The following IGFBPL1 variants were observed in gnomAD, a reference collection of about 807,000 sequenced individuals.
IGFBPL1 encodes insulin-like growth factor-binding protein-like 1.
A neutral mutation model predicts 23.9 loss-of-function variants in IGFBPL1; 20 were observed. The ratio of observed to expected loss-of-function variants is 0.84; its 90% CI spans 0.59 to 1.22. The LOEUF (loss-of-function observed/expected upper bound fraction) is 1.22. Among genes scored for constraint, IGFBPL1 ranks in the 50% most tolerant of loss-of-function variants. IGFBPL1 has a pLI of 0.00. For synonymous variants in IGFBPL1, 184 were observed against 171.8 expected, an observed-to-expected ratio of 1.07 and a Z score of -0.56; for missense variants, 436 against 379.3, an observed-to-expected ratio of 1.15 and a Z score of -1.24.
chr9:38,411,990 A>C (rs1821519733), intron 3 of IGFBPL1, among the ~76,000 whole-genome samples: 1 of 152,200 alleles, frequency 6.6e-6, no homozygotes. Context: ...AAATAGAGGA[A>C]TGTGCTTGAT....
chr9:38,420,528 C>T lies in IGFBPL1; in HGVS notation c.460+3437G>A, dbSNP rs116440354. Among the ~76,000 whole-genome samples, 1,382 of 152,296 alleles carry T rather than the reference C, an allele frequency of 9.1e-3. 16 individuals carry two copies. The highest frequency in any genetic ancestry group is 0.031 in the African/African-American group (1,307 of 41,552). On this transcript the variant is annotated intron_variant, in intron 1 of 4. Coordinates refer to ENST00000377694, the MANE Select transcript of IGFBPL1 (RefSeq NM_001007563.3). ...AGGTTGCTAGCGGCTAGCTGTGCAG[C>T]GCCCATCTGAAAATAGCGAGGCAGG...
At chr9:38,419,015 T>C (rs866947297) in intron 1 of IGFBPL1, among the ~76,000 whole-genome samples, 3 of 152,238 alleles carry the variant, frequency 2.0e-5, no homozygotes, top group Middle Eastern at 3.4e-3. Flanking sequence ...AAAATGGATG[T>C]GACTGTGTTA....
At chr9:38,416,195 G>A (rs1459535396) in intron 1 of IGFBPL1, among the ~76,000 whole-genome samples, 1 of 152,212 alleles carries the variant, frequency 6.6e-6, no homozygotes, top group Non-Finnish European at 1.5e-5. Context: ...CAGTCAGAAA[G>A]ACCTGGATAC....
chr9:38,414,306 A>T, intron 1 of IGFBPL1, 103 bp from the exon 2 acceptor site: 1 of 662,192 alleles, frequency 1.5e-6, no homozygotes, highest in Non-Finnish European at 2.7e-6. Context: ...ATGTCCTGAC[A>T]TGAGGGGAGC....
intron 1 of IGFBPL1, among the ~76,000 whole-genome samples, chr9:38,419,217 C>T (rs3849928): frequency 0.27 from 40,330 of 151,932 alleles, 6,589 homozygotes; most frequent in Non-Finnish European, 0.36. Context: ...TTCCCCAGGA[C>T]CCCATCTGCT....
Position 38,408,996 on chromosome 9 carries a change from A to G in IGFBPL1, c.*231T>C, listed in dbSNP as rs1233535531. On this transcript the variant is annotated 3_prime_UTR_variant, in exon 5 of 5. Coordinates refer to ENST00000377694, the MANE Select transcript of IGFBPL1 (RefSeq NM_001007563.3). Reference sequence around the variant, plus strand: ...GAGAATAATTACAAAAAGACTTCTCATGGAACAATTCATTTCAAAAGTATA... The same window carrying G: ...GAGAATAATTACAAAAAGACTTCTCGTGGAACAATTCATTTCAAAAGTATA... The G allele has an allele frequency of 6.6e-6, 1 of 152,258 alleles. No homozygotes were observed. Among genetic ancestry groups the G allele is most frequent in the Non-Finnish European group, 1.5e-5 (1 of 68,048 alleles). 9.4% of individuals were successfully genotyped at this position (152,258 alleles called of 1,614,324 possible).
chr9:38,416,205 C>T lies in IGFBPL1; in HGVS notation c.461-2002G>A, dbSNP rs907898381. Among the ~76,000 whole-genome samples, 4 of 152,214 alleles carry T rather than the reference C, an allele frequency of 2.6e-5. No homozygotes were observed. In the South Asian group the frequency reaches 6.2e-4, roughly 24 times the overall value. ...GGTGACAGTCAGAAAGACCTGGATA[C>T]CAAGGGGACTCTCAATCAGCCTGGT... On this transcript the variant is annotated intron_variant, in intron 1 of 4. Transcript: ENST00000377694.
In IGFBPL1 at chr9:38,406,585, A is replaced by G. The variant is rs771824591; in HGVS notation, c.*2642T>C. 1.3e-5 allele frequency among the ~76,000 whole-genome samples: 2 copies of G among 152,160 alleles called. No homozygotes were observed. The highest frequency in any genetic ancestry group is 2.9e-5 in the Non-Finnish European group (2 of 68,018). ...CAGGGGTCGTGACATCATGACATCT[A>G]CAAAAACGGTAGAAAAACCCAGGTT... On this transcript the variant is annotated 3_prime_UTR_variant, in exon 5 of 5. Coordinates refer to ENST00000377694, the MANE Select transcript of IGFBPL1 (RefSeq NM_001007563.3).
chr9:38,407,066 C>T lies in IGFBPL1; in HGVS notation c.*2161G>A, dbSNP rs888490910. 6.6e-6 allele frequency among the ~76,000 whole-genome samples: 1 copy of T among 151,382 alleles called. No individual in the cohort carries two copies. Among genetic ancestry groups the T allele is most frequent in the East Asian group, 2.0e-4 (1 of 5,098 alleles). ...CTGACCAACTCATCTCCCAACCATT[C>T]AAGACACAGGAGAATTAACTGCAGG... On this transcript the variant is annotated 3_prime_UTR_variant, in exon 5 of 5. Coordinates refer to ENST00000377694, the MANE Select transcript of IGFBPL1 (RefSeq NM_001007563.3).
At chr9:38,422,733 C>G (rs1194437239) in intron 1 of IGFBPL1, among the ~76,000 whole-genome samples, 1 of 152,212 alleles carries the variant, frequency 6.6e-6, no homozygotes, top group Non-Finnish European at 1.5e-5. Flanking sequence ...GCTCAACTGG[C>G]CACACACTGG....
intron 1 of IGFBPL1, among the ~76,000 whole-genome samples, chr9:38,421,816 A>G (rs757884752): frequency 7.2e-5 from 11 of 152,224 alleles, no homozygotes; most frequent in Non-Finnish European, 7.3e-5. Flanking sequence ...TTCAGGACAG[A>G]GAGTGACAGG....
chr9:38,422,026 G>C (rs1417088567), intron 1 of IGFBPL1, among the ~76,000 whole-genome samples: 1 of 152,226 alleles, frequency 6.6e-6, no homozygotes, highest in South Asian at 2.1e-4. Context: ...GAGTGAAGGG[G>C]CTGTCACATT....
At chr9:38,412,279 T>C (rs923178688) in intron 3 of IGFBPL1, among the ~76,000 whole-genome samples, 1 of 152,196 alleles carries the variant, frequency 6.6e-6, no homozygotes, top group Non-Finnish European at 1.5e-5. Flanking sequence ...GTGAGCATTA[T>C]GGTCTTCTTT....
chr9:38,419,863 CCCTCCT>C (rs71363990), intron 1 of IGFBPL1, among the ~76,000 whole-genome samples: 111 of 146,062 alleles, frequency 7.6e-4, no homozygotes, highest in African/African-American at 1.6e-3. Context: ...CTCCTCCTCC[CCCTCCT>C]CCTCCTCCTC....
rs1452510402 is a variant in IGFBPL1, at chr9:38,406,868, C to G, written c.*2359G>C. ...TGATGCTCAGTACTTCCAGCATGGG[C>G]TCTGTCCACCCTGCTCTCTGGGTCT... On this transcript the variant is annotated 3_prime_UTR_variant, in exon 5 of 5. Transcript: ENST00000377694. Among the ~76,000 whole-genome samples, 1 of 152,214 alleles carries G rather than the reference C, an allele frequency of 6.6e-6. No individual in the cohort carries two copies. The highest frequency in any genetic ancestry group is 2.4e-5 in the African/African-American group (1 of 41,458).
In IGFBPL1 at chr9:38,424,324, C is replaced by T. The variant is rs1017396105; in HGVS notation, c.101G>A (p.Arg34Gln). 2 of 1,114,714 alleles carry T rather than the reference C, an allele frequency of 1.8e-6. No homozygotes were observed. The highest frequency in any genetic ancestry group is 2.5e-6 in the Non-Finnish European group (2 of 814,192). The allele number at this position is 1,114,714 out of a possible 1,614,324, so 69.1% of individuals were successfully genotyped here. ...PSLGIRDVGG[R>Q]RPKCGPCRPE... ...CCGGCACGGACCACACTTGGGGCGC[C>T]GGCCGCCCACGTCGCGGATCCCAAG... The change falls in exon 1 of 5, where the codon CGG becomes CAG. Residue 34 changes from arginine (R) to glutamine (Q), a missense_variant. Transcript: ENST00000377694.
At position 38,414,031 on chromosome 9, in the gene IGFBPL1, TCTCA is replaced by T. The variant is rs1821555357; in HGVS notation, c.570+59_570+62del. ...CCACTCACGTCTGTTTCTCCCTCTT[TCTCA>T]CACACACACACACACACACACACAC... On this transcript the variant is annotated intron_variant, in intron 2 of 4. Coordinates refer to ENST00000377694, the MANE Select transcript of IGFBPL1 (RefSeq NM_001007563.3). The T allele has an allele frequency of 1.0e-5, 8 of 762,478 alleles. No homozygotes were observed. The East Asian group carries it at 1.3e-4, about 13-fold the overall frequency. 47.2% of individuals were successfully genotyped at this position (762,478 alleles called of 1,614,324 possible). A position where few individuals can be genotyped will look rare whatever the true frequency, so the allele number is the denominator to read the frequency against.
At chr9:38,410,516 T>C (rs930710526) in intron 4 of IGFBPL1, among the ~76,000 whole-genome samples, 12 of 147,842 alleles carry the variant, frequency 8.1e-5, no homozygotes, top group Non-Finnish European at 1.8e-4. Flanking sequence ...GGTCTGTAAA[T>C]GGGCGGGGCA....
In IGFBPL1 at chr9:38,413,296, T is replaced by C. The variant is rs1427467412; in HGVS notation, c.628A>G (p.Asn210Asp). ...CCCCCTCGCACTTGGACAGCTATATTGACATGGTCCCCAGGCAGCTCCTCC... is the reference window on the plus strand; with the variant it reads ...CCCCCTCGCACTTGGACAGCTATATCGACATGGTCCCCAGGCAGCTCCTCC... ...ALEELPGDHV[N>D]IAVQVRGGPS... Residue 210 changes from asparagine (N) to aspartate (D), a missense_variant, in exon 3 of 5, where the codon AAT becomes GAT. Physicochemically the swap from Asn to Asp is conservative, Grantham distance 23. Transcript: ENST00000377694. The C allele has an allele frequency of 6.2e-7, 1 of 1,614,136 alleles. No individual in the cohort carries two copies.
Sources: gnomAD v4.1 joint callset for allele counts (sites outside exome capture counted in the v4.1 genomes callset) on GRCh38, gnomAD v4.1.1 for gene constraint, MANE v1.5 for transcripts, NCBI Gene and HGNC (gene_info 2026-07-23, HGNC 2026-07-21) for gene names.